Variants in DYNC1I1 observed in about 807,000 individuals in gnomAD.
DYNC1I1 encodes dynein cytoplasmic 1 intermediate chain 1, also known as cytoplasmic dynein 1 intermediate chain 1.
In DYNC1I1, 43 loss-of-function variants were observed where a neutral mutation model predicts 86.6. The observed-to-expected ratio is 0.50, with a 90% CI of 0.39 to 0.64. The LOEUF (loss-of-function observed/expected upper bound fraction) is 0.64, where lower values mean the gene tolerates loss of function less well. DYNC1I1 is among the 30% of genes least tolerant of loss of function. DYNC1I1 has a pLI of 0.00. For missense variants in DYNC1I1, 604 were observed against 788.8 expected (o/e 0.77, Z 2.81); for synonymous variants, 262 against 283.7 (o/e 0.92, Z 0.77).
intron 16 of DYNC1I1, among the ~76,000 whole-genome samples, chr7:96,108,065 A>G (rs1464105772): frequency 6.6e-6 from 1 of 152,094 alleles, no homozygotes; most frequent in Non-Finnish European, 1.5e-5. Context: ...CTAGGATGCC[A>G]TCTTTCACAT....
chr7:95,916,195 T>G (rs1423692703), intron 6 of DYNC1I1, among the ~76,000 whole-genome samples: 1 of 152,222 alleles, frequency 6.6e-6, no homozygotes, highest in Non-Finnish European at 1.5e-5. Flanking sequence ...AACTAAAAAT[T>G]ATCTTTCTCA....
intron 4 of DYNC1I1, among the ~76,000 whole-genome samples, chr7:95,823,615 G>C (rs1412679021): frequency 6.6e-6 from 1 of 151,858 alleles, no homozygotes; most frequent in African/African-American, 2.4e-5. Flanking sequence ...GGTACTGCCG[G>C]GTAGGGGAAG....
intron 5 of DYNC1I1, among the ~76,000 whole-genome samples, chr7:95,842,542 G>A (rs1789315463): frequency 6.6e-6 from 1 of 152,110 alleles, no homozygotes; most frequent in African/African-American, 2.4e-5. Context: ...GATGTGCTGG[G>A]AGTCAGCTTG....
intron 4 of DYNC1I1, chr7:95,818,477 T>TAA (rs1794999548): frequency 2.3e-6 from 1 of 443,770 alleles, no homozygotes; most frequent in Admixed American, 3.0e-5. Flanking sequence ...GATTTAATTT[T>TAA]TTTTTTTTTT....
chr7:95,891,597 T>G (rs1021047933), intron 6 of DYNC1I1, among the ~76,000 whole-genome samples: 1 of 152,202 alleles, frequency 6.6e-6, no homozygotes, highest in Non-Finnish European at 1.5e-5. Context: ...GAAGAGTCCA[T>G]ATGAACAGAA....
intron 5 of DYNC1I1, among the ~76,000 whole-genome samples, chr7:95,839,935 G>A (rs780441949): frequency 7.2e-5 from 11 of 151,790 alleles, no homozygotes; most frequent in Admixed American, 1.3e-4. Context: ...TTGAAAAATC[G>A]GCTTATAGTC....
intron 12 of DYNC1I1, among the ~76,000 whole-genome samples, chr7:96,035,129 C>T (rs1368994722): frequency 1.3e-5 from 2 of 152,188 alleles, no homozygotes; most frequent in African/African-American, 4.8e-5. Context: ...AATCTAGTCC[C>T]TGTTGAAATC....
intron 12 of DYNC1I1, among the ~76,000 whole-genome samples, chr7:96,035,002 T>A (rs1309937578): frequency 1.3e-5 from 2 of 152,236 alleles, no homozygotes; most frequent in Non-Finnish European, 2.9e-5. Context: ...TCTTTAATTC[T>A]CAATTTTAAA....
chr7:95,811,114 T>C (rs1046771956), intron 3 of DYNC1I1, among the ~76,000 whole-genome samples: 1 of 152,212 alleles, frequency 6.6e-6, no homozygotes, highest in African/African-American at 2.4e-5. Flanking sequence ...GTTGGTTGTC[T>C]GTGACCTCAT....
chr7:95,856,684 T>A (rs1789732209), intron 5 of DYNC1I1, among the ~76,000 whole-genome samples: 1 of 152,152 alleles, frequency 6.6e-6, no homozygotes, highest in African/African-American at 2.4e-5. Context: ...CAACCCAGGT[T>A]AAATTTGGTT....
At chr7:95,814,796 A>G (rs551308406) in intron 4 of DYNC1I1, among the ~76,000 whole-genome samples, 1 of 152,078 alleles carries the variant, frequency 6.6e-6, no homozygotes, top group Non-Finnish European at 1.5e-5. Flanking sequence ...TTAAAAAAAA[A>G]GTAGAGGTTT....
chr7:95,851,270 TACTA>T (rs1245749359), intron 5 of DYNC1I1, among the ~76,000 whole-genome samples: 9 of 152,166 alleles, frequency 5.9e-5, no homozygotes, highest in Admixed American at 4.6e-4. Flanking sequence ...CTGAGATGAA[TACTA>T]ACTGACTCAT....
chr7:95,804,860 T>G (rs1205359920), intron 2 of DYNC1I1, 23 bp downstream of exon 2: 2 of 1,536,126 alleles, frequency 1.3e-6, no homozygotes. Context: ...TGTTGGGGTG[T>G]TGTGGGGGAA....
chr7:95,801,365 A>T (rs1794573771), intron 1 of DYNC1I1, among the ~76,000 whole-genome samples: 1 of 152,228 alleles, frequency 6.6e-6, no homozygotes, highest in African/African-American at 2.4e-5. Context: ...TTGCACTTTG[A>T]AGAAATTTTC....
chr7:96,106,458 T>C (rs1791215043), intron 16 of DYNC1I1, among the ~76,000 whole-genome samples: 1 of 151,584 alleles, frequency 6.6e-6, no homozygotes, highest in Non-Finnish European at 1.5e-5. Context: ...TCGCTTCAAC[T>C]CCAGAGGCGG....
At chr7:95,780,895 C>A (rs1480590331) in intron 1 of DYNC1I1, among the ~76,000 whole-genome samples, 1 of 152,058 alleles carries the variant, frequency 6.6e-6, no homozygotes, top group Non-Finnish European at 1.5e-5. Flanking sequence ...CACAATGTTC[C>A]CTTTTAAAAC....
At chr7:95,802,333 C>T (rs1321235022) in intron 1 of DYNC1I1, among the ~76,000 whole-genome samples, 1 of 152,134 alleles carries the variant, frequency 6.6e-6, no homozygotes, top group Non-Finnish European at 1.5e-5. Context: ...CTTGGTCCCT[C>T]TTGGCTGTGC....
At chr7:95,848,061 A>C (rs1244113702) in intron 5 of DYNC1I1, among the ~76,000 whole-genome samples, 1 of 152,172 alleles carries the variant, frequency 6.6e-6, no homozygotes, top group Non-Finnish European at 1.5e-5. Flanking sequence ...TGCATTGTGG[A>C]GTAACTAAAT....
At chr7:95,919,986 A>C (rs1791568431) in intron 6 of DYNC1I1, among the ~76,000 whole-genome samples, 1 of 152,232 alleles carries the variant, frequency 6.6e-6, no homozygotes, top group Non-Finnish European at 1.5e-5. Context: ...GAAGGATCTC[A>C]GATAATTTAT....
Sources: allele counts gnomAD v4.1 joint callset (sites outside exome capture counted in the v4.1 genomes callset), GRCh38; gene constraint gnomAD v4.1.1; transcripts MANE v1.5; gene names NCBI Gene and HGNC (gene_info 2026-07-23, HGNC 2026-07-21).